Variants in NCALD observed in about 807,000 individuals in gnomAD.
NCALD encodes the protein neurocalcin delta, also known as neurocalcin-delta.
In NCALD, 10 loss-of-function variants were observed where a neutral mutation model predicts 18.6. The ratio of observed to expected loss-of-function variants is 0.54; its 90% CI spans 0.33 to 0.91. The LOEUF is 0.91. NCALD is among the 40% of genes least tolerant of loss of function. The probability of loss-of-function intolerance (pLI) is 0.03; values close to 1 mark genes in which losing one functional copy is unlikely to be tolerated. For synonymous variants in NCALD, 88 were observed against 87.4 expected (o/e 1.01, Z -0.04); for missense variants, 184 against 247.6 (o/e 0.74, Z 1.72).
intron 4 of NCALD, among the ~76,000 whole-genome samples, chr8:101,855,703 T>A (rs1305488954): frequency 6.6e-6 from 1 of 151,922 alleles, no homozygotes; most frequent in African/African-American, 2.4e-5. Context: ...AGTGCATAGG[T>A]GGAAAATGAC....
intron 1 of NCALD, among the ~76,000 whole-genome samples, chr8:102,056,756 C>T (rs964265537): frequency 6.6e-6 from 1 of 152,244 alleles, no homozygotes; most frequent in Non-Finnish European, 1.5e-5. Context: ...TAAGGCCGTA[C>T]ACCTACTGTG....
intron 1 of NCALD, among the ~76,000 whole-genome samples, chr8:102,026,335 A>C (rs1822454532): frequency 6.6e-6 from 1 of 152,224 alleles, no homozygotes; most frequent in Non-Finnish European, 1.5e-5. Flanking sequence ...GTAAAATCAA[A>C]AGCAAGTTAT....
At chr8:101,746,692 C>T (rs1005974978) in intron 1 of NCALD, among the ~76,000 whole-genome samples, 11 of 151,712 alleles carry the variant, frequency 7.3e-5, no homozygotes, top group African/African-American at 2.4e-4. Context: ...CATCACCATG[C>T]ATCTCTGAAA....
intron 4 of NCALD, among the ~76,000 whole-genome samples, chr8:101,833,455 T>C (rs1375075734): frequency 6.6e-6 from 1 of 152,320 alleles, no homozygotes; most frequent in East Asian, 1.9e-4. Context: ...TGAAGTCTCG[T>C]AACAATAACA....
chr8:101,794,907 A>AT (rs1265425011), upstream of NCALD, among the ~76,000 whole-genome samples: 12 of 152,150 alleles, frequency 7.9e-5, no homozygotes, highest in African/African-American at 2.9e-4. Context: ...TTATTTTTAA[A>AT]TTTTTTGTGA....
intron 2 of NCALD, among the ~76,000 whole-genome samples, chr8:101,917,266 G>A (rs1818003382): frequency 1.3e-5 from 2 of 151,852 alleles, no homozygotes; most frequent in African/African-American, 4.8e-5. Context: ...ATAAAATTAG[G>A]GCAGAAATCA....
rs201729096 is a variant in NCALD, at chr8:101,712,587, C to CAAA, written c.378+6662_378+6664dup. ...GAAGATTTACCAAACAAATGGAAAG[C>CAAA]AAAAAAAAAAAAAAAAAAAAAAAAT... is the stretch of plus-strand genomic sequence containing the variant. On this transcript the variant is annotated intron_variant, in intron 2 of 3. Coordinates refer to ENST00000220931, the MANE Select transcript of NCALD (RefSeq NM_032041.3). Among the ~76,000 whole-genome samples, 106 of 78,844 alleles carry CAAA rather than the reference C, an allele frequency of 1.3e-3. 3 individuals are homozygous for CAAA. The highest frequency in any genetic ancestry group is 1.7e-3 in the Non-Finnish European group (69 of 40,120). 51.7% of individuals were successfully genotyped at this position (78,844 alleles called of 152,430 possible).
In NCALD at chr8:101,725,283, T is replaced by G. The variant is rs1816523958; in HGVS notation, c.-19-5635A>C. ...TGAACATCAAGGGAGAAGAAGCAAC[T>G]GAGCATCACAGACTGTGGATAGACA... On this transcript the variant is annotated intron_variant, in intron 1 of 3. Coordinates refer to ENST00000220931, the MANE Select transcript of NCALD (RefSeq NM_032041.3). Among the ~76,000 whole-genome samples, 9 of 152,180 alleles carry G rather than the reference T, an allele frequency of 5.9e-5. 2 individuals carry two copies. Among genetic ancestry groups the G allele is most frequent in the Admixed American group, 5.9e-4 (9 of 15,284 alleles).
intron 2 of NCALD, among the ~76,000 whole-genome samples, chr8:101,978,980 T>C (rs562132703): frequency 6.6e-6 from 1 of 152,296 alleles, no homozygotes; most frequent in East Asian, 1.9e-4. Flanking sequence ...AGTTTTTCAG[T>C]AGTTCAGAGT....
At position 101,790,802 on chromosome 8, in the gene NCALD, G is replaced by A. The variant is rs140492748; in HGVS notation, c.-20+60C>T. Reference sequence around the variant, plus strand: ...CAAACTTGTAGGAGGTAAGAGAGAGGGGAAAACCACAATGAGCTATAAAAA... The same window carrying A: ...CAAACTTGTAGGAGGTAAGAGAGAGAGGAAAACCACAATGAGCTATAAAAA... On this transcript the variant is annotated intron_variant, in intron 1 of 3. Transcript: ENST00000220931. 2.5e-3 allele frequency: 378 copies of A among 152,234 alleles called. 2 individuals are homozygous for A. Among genetic ancestry groups the A allele is most frequent in the African/African-American group, 8.1e-3 (337 of 41,534 alleles). The allele number at this position is 152,234 out of a possible 1,614,324, so 9.4% of individuals were successfully genotyped here.
At chr8:101,788,176 G>A (rs190858199) in intron 1 of NCALD, among the ~76,000 whole-genome samples, 4 of 152,354 alleles carry the variant, frequency 2.6e-5, no homozygotes, top group Admixed American at 2.6e-4. Flanking sequence ...GGAACCGAAT[G>A]TGGAAATGGG....
intron 4 of NCALD, among the ~76,000 whole-genome samples, chr8:101,876,161 T>C (rs373307231): frequency 1.3e-5 from 2 of 152,212 alleles, no homozygotes; most frequent in Non-Finnish European, 2.9e-5. Context: ...GATTCTCAGA[T>C]GTATAGTTGC....
At chr8:101,714,631 GA>G (rs1357291438) in intron 2 of NCALD, among the ~76,000 whole-genome samples, 1 of 152,094 alleles carries the variant, frequency 6.6e-6, no homozygotes, top group Non-Finnish European at 1.5e-5. Flanking sequence ...CACAGAATTA[GA>G]AAAAAGTACT....
At chr8:102,026,808 A>C (rs1026284137) in intron 1 of NCALD, among the ~76,000 whole-genome samples, 1 of 152,260 alleles carries the variant, frequency 6.6e-6, no homozygotes, top group African/African-American at 2.4e-5. Context: ...CTGCCCCAGC[A>C]GTAAACTTCT....
intron 1 of NCALD, among the ~76,000 whole-genome samples, chr8:101,737,313 T>C (rs1040177174): frequency 2.6e-5 from 4 of 152,174 alleles, no homozygotes; most frequent in African/African-American, 9.7e-5. Flanking sequence ...CAACTTCATT[T>C]CCTGTCACTG....
At chr8:101,931,580 C>T (rs954860185) in intron 2 of NCALD, among the ~76,000 whole-genome samples, 1 of 152,102 alleles carries the variant, frequency 6.6e-6, no homozygotes, top group African/African-American at 2.4e-5. Flanking sequence ...CGACATATTT[C>T]CTATAACAGA....
At chr8:102,005,884 G>C (rs894137280) in intron 2 of NCALD, among the ~76,000 whole-genome samples, 8 of 145,448 alleles carry the variant, frequency 5.5e-5, no homozygotes, top group Admixed American at 5.5e-4. Flanking sequence ...GTTGTGGGGT[G>C]GGGGGGCAGG....
At chr8:101,874,334 A>G (rs1276922456) in intron 4 of NCALD, among the ~76,000 whole-genome samples, 2 of 152,168 alleles carry the variant, frequency 1.3e-5, no homozygotes, top group African/African-American at 4.8e-5. Flanking sequence ...TGGAGGAGAA[A>G]ATCTAGAATC....
At chr8:102,107,301 G>C (rs1196508834) in intron 1 of NCALD, among the ~76,000 whole-genome samples, 1 of 146,126 alleles carries the variant, frequency 6.8e-6, no homozygotes, top group Non-Finnish European at 1.5e-5. Flanking sequence ...AGGCACACGA[G>C]AGTCCTAAAA....
Sources: allele counts gnomAD v4.1 joint callset (sites outside exome capture counted in the v4.1 genomes callset), GRCh38; gene constraint gnomAD v4.1.1; transcripts MANE v1.5; gene names NCBI Gene and HGNC (gene_info 2026-07-23, HGNC 2026-07-21).